The following SAP30BP variants were observed in gnomAD, a reference collection of about 807,000 sequenced individuals.
SAP30BP encodes the protein SAP30 binding protein.
Under a neutral mutation model 46.3 loss-of-function variants are expected in SAP30BP, and 31 were observed. That is an observed-to-expected ratio of 0.67 (90% CI 0.50 to 0.90). SAP30BP has a LOEUF of 0.90. Among genes scored for constraint, SAP30BP ranks in the 40% least tolerant of loss-of-function variants. The probability of loss-of-function intolerance (pLI) is 0.00; values close to 1 mark genes in which losing one functional copy is unlikely to be tolerated. For missense variants in SAP30BP, 312 were observed against 391.0 expected, an observed-to-expected ratio of 0.80 and a Z score of 1.70; for synonymous variants, 169 against 144.2, an observed-to-expected ratio of 1.17 and a Z score of -1.23.
In SAP30BP at chr17:75,674,707, T is replaced by G. The variant is rs1249167333; in HGVS notation, c.264+2844T>G. On this transcript the variant is annotated intron_variant, in intron 3 of 10. Coordinates refer to ENST00000584667, the MANE Select transcript of SAP30BP (RefSeq NM_013260.8). ...TTTTGTTTGTTTTTTGTTTTTTTTTTTTTTTTTTTTTTTTTTTTGAGGTGG... is the reference window on the plus strand; with the variant it reads ...TTTTGTTTGTTTTTTGTTTTTTTTTGTTTTTTTTTTTTTTTTTTGAGGTGG... 2.7e-4 allele frequency among the ~76,000 whole-genome samples: 33 copies of G among 121,220 alleles called. 1 individual carries two copies. Among genetic ancestry groups the G allele is most frequent in the Middle Eastern group, 3.8e-3 (1 of 266 alleles). The allele number at this position is 121,220 out of a possible 152,430, so 79.5% of individuals were successfully genotyped here. A position where few individuals can be genotyped will look rare whatever the true frequency, so the allele number is the denominator to read the frequency against.
intron 2 of SAP30BP, among the ~76,000 whole-genome samples, chr17:75,670,933 C>T (rs563368830): frequency 6.6e-6 from 1 of 152,312 alleles, no homozygotes; most frequent in Non-Finnish European, 1.5e-5. Context: ...TTAAAGGCTT[C>T]TGTGCATTGG....
chr17:75,677,105 AC>A (rs2060002125), intron 3 of SAP30BP, among the ~76,000 whole-genome samples: 1 of 117,728 alleles, frequency 8.5e-6, no homozygotes, highest in Non-Finnish European at 1.8e-5. Context: ...CTGGCAGAAA[AC>A]TTTTTTTTTT....
At chr17:75,679,656 G>T (rs897557254) in intron 3 of SAP30BP, 1 of 152,218 alleles carries the variant, frequency 6.6e-6, no homozygotes, top group Non-Finnish European at 1.5e-5. Flanking sequence ...CCAAACTAGC[G>T]AACAGGAGAT....
In SAP30BP at chr17:75,706,079, C is replaced by A. The variant is rs760218957; in HGVS notation, c.732C>A (p.Ser244Arg). Residue 244 changes from serine to arginine, a missense_variant, in exon 10 of 11, where the codon AGC (serine) becomes AGA (arginine). By Grantham distance (110) the Ser-to-Arg change is moderately radical. Transcript: ENST00000584667. The surrounding 1 kb of genome is among the most constrained non-coding windows in gnomAD (Gnocchi z 4.6). ...NATSTTTTTA[S>R]TAVADAQKRK... ...CGTCCACCACCACTACCACTGCCAG[C>A]ACAGCTGTTGCAGGTAGATTGCAGA... 19 of 1,612,796 alleles carry A rather than the reference C, an allele frequency of 1.2e-5. No homozygotes were observed. Among genetic ancestry groups the A allele is most frequent in the Non-Finnish European group, 1.6e-5 (19 of 1,179,542 alleles).
intron 4 of SAP30BP, among the ~76,000 whole-genome samples, chr17:75,696,101 G>T (rs1330187355): frequency 6.6e-6 from 1 of 152,206 alleles, no homozygotes; most frequent in Non-Finnish European, 1.5e-5. Context: ...CACGCTGACA[G>T]CTGGCTTCTC....
rs2060502606 is a variant in SAP30BP, at chr17:75,706,712, A to C, written c.*191A>C. 1 of 599,844 alleles carries C rather than the reference A, an allele frequency of 1.7e-6. No homozygotes were observed. Among genetic ancestry groups the C allele is most frequent in the South Asian group, 2.0e-5 (1 of 49,174 alleles). 37.2% of individuals were successfully genotyped at this position (599,844 alleles called of 1,614,324 possible). On this transcript the variant is annotated 3_prime_UTR_variant, in exon 11 of 11. Transcript: ENST00000584667. The surrounding 1 kb of genome is among the most constrained non-coding windows in gnomAD (Gnocchi z 4.6). Reference sequence around the variant, plus strand: ...CAGGCGCTGTGGACAGGGTCTGTCCACGCACCACCTGGGGTCTGCCGCCTA... The same window carrying C: ...CAGGCGCTGTGGACAGGGTCTGTCCCCGCACCACCTGGGGTCTGCCGCCTA...
intron 2 of SAP30BP, among the ~76,000 whole-genome samples, chr17:75,670,947 T>C (rs1029589535): frequency 2.0e-5 from 3 of 152,038 alleles, no homozygotes; most frequent in African/African-American, 4.8e-5. Context: ...GCATTGGGAG[T>C]GTTCTGGGTA....
chr17:75,702,160 C>G (rs2060421712), intron 5 of SAP30BP, among the ~76,000 whole-genome samples: 1 of 152,154 alleles, frequency 6.6e-6, no homozygotes, highest in South Asian at 2.1e-4. Context: ...GTAGCTGGGA[C>G]TACAGGCTTG....
chr17:75,668,559 C>A lies in SAP30BP; in HGVS notation c.150C>A (p.Asp50Glu). The A allele has an allele frequency of 6.2e-7, 1 of 1,604,064 alleles. No homozygotes were observed. Among genetic ancestry groups the A allele is most frequent in the Non-Finnish European group, 8.5e-7 (1 of 1,176,168 alleles). The change falls in exon 2 of 11, where the codon GAC becomes GAA. Residue 50 changes from aspartate (D) to glutamate (E), a missense_variant. Transcript: ENST00000584667. ...TATCTGATGCCTATGGGGAGGATGA[C>A]TTTTCTCGTCTAGGGGGTGATGAAG... ...GLVSDAYGED[D>E]FSRLGGDEDG...
In SAP30BP at chr17:75,706,442, C is replaced by T. The variant is rs759867661; in HGVS notation, c.848C>T (p.Thr283Met). Residue 283 changes from threonine (T) to methionine (M), a missense_variant, in exon 11 of 11, where the codon ACG becomes ATG. Coordinates refer to ENST00000584667, the MANE Select transcript of SAP30BP (RefSeq NM_013260.8). The surrounding 1 kb of genome is among the most constrained non-coding windows in gnomAD (Gnocchi z 4.6). Reference protein sequence around the residue: ...TTTATLPAVVTVTTSASGSKT... With the variant: ...TTTATLPAVVMVTTSASGSKT... ...ACAGCCACCCTGCCAGCTGTTGTCA[C>T]GGTCACCACCAGCGCCAGCGGCTCC... is the stretch of plus-strand genomic sequence containing the variant. The T allele has an allele frequency of 9.9e-6, 16 of 1,614,050 alleles. No homozygotes were observed. Among genetic ancestry groups the T allele is most frequent in the Non-Finnish European group, 1.2e-5 (14 of 1,180,028 alleles).
At chr17:75,705,149 G>A (rs2060476125) in intron 9 of SAP30BP, 1 of 326,116 alleles carries the variant, frequency 3.1e-6, no homozygotes, top group Admixed American at 4.2e-5. Flanking sequence ...AGAGTGCCAG[G>A]CCCAGCTTGC....
intron 4 of SAP30BP, among the ~76,000 whole-genome samples, chr17:75,697,294 GTTGTTGCTGCTTGTGAGATAGGACCAGC>G (rs988237196): frequency 5.3e-5 from 8 of 152,200 alleles, no homozygotes; most frequent in African/African-American, 1.9e-4. Context: ...CCTTGCTTTT[GTTGTTGCTGCTTGTGAGATAGGACCAGC>G]TCCCCCCAGC....
intron 3 of SAP30BP, among the ~76,000 whole-genome samples, chr17:75,689,141 G>C (rs939027235): frequency 7.0e-6 from 1 of 143,274 alleles, no homozygotes; most frequent in Non-Finnish European, 1.5e-5. Context: ...TTGTCTTTTC[G>C]TTTTTCCTTG....
chr17:75,691,443 A>G (rs1295504282), intron 3 of SAP30BP: 1 of 456,104 alleles, frequency 2.2e-6, no homozygotes, highest in African/African-American at 2.0e-5. Flanking sequence ...CACACCCCAC[A>G]CTCCTTTCCA....
intron 3 of SAP30BP, among the ~76,000 whole-genome samples, chr17:75,675,541 G>A (rs1383345970): frequency 6.6e-6 from 1 of 152,060 alleles, no homozygotes; most frequent in Non-Finnish European, 1.5e-5. Flanking sequence ...GGATCTCAGA[G>A]TTTTCATTTT....
chr17:75,672,827 G>T (rs759953047), intron 3 of SAP30BP, among the ~76,000 whole-genome samples: 4 of 152,014 alleles, frequency 2.6e-5, no homozygotes, highest in Admixed American at 6.6e-5. Context: ...GAGACTGGTG[G>T]GTGGTGCACA....
chr17:75,690,554 G>C, intron 3 of SAP30BP: 1 of 390,890 alleles, frequency 2.6e-6, no homozygotes, highest in Non-Finnish European at 5.1e-6. Flanking sequence ...CTGGACTCAA[G>C]CAGTCAGGCC....
chr17:75,692,307 A>G, intron 3 of SAP30BP: 1 of 985,418 alleles, frequency 1.0e-6, no homozygotes, highest in Middle Eastern at 5.2e-4. Context: ...GTGTAAGTGG[A>G]GCCTGCGGAG....
intron 3 of SAP30BP, 23 bp downstream of exon 3, chr17:75,671,886 G>A: frequency 6.2e-7 from 1 of 1,607,070 alleles, no homozygotes; most frequent in Non-Finnish European, 8.5e-7. Flanking sequence ...GGCTGTGGTG[G>A]GTGGCTGGAT....
Sources: allele counts gnomAD v4.1 joint callset (sites outside exome capture counted in the v4.1 genomes callset), GRCh38; gene constraint gnomAD v4.1.1; non-coding constraint Gnocchi (gnomAD v3.1); transcripts MANE v1.5; gene names NCBI Gene and HGNC (gene_info 2026-07-23, HGNC 2026-07-21).